Variants in NHSL1 observed in about 807,000 individuals in gnomAD.
NHSL1 encodes NHS like 1.
NHSL1 carries 48 observed loss-of-function variants against 95.0 expected under a neutral mutation model. The ratio of observed to expected loss-of-function variants is 0.51; its 90% CI spans 0.40 to 0.64. The LOEUF (loss-of-function observed/expected upper bound fraction) is 0.64, where lower values mean the gene tolerates loss of function less well. Among genes scored for constraint, NHSL1 ranks in the 30% least tolerant of loss-of-function variants. The pLI is 0.00. For synonymous variants in NHSL1, 783 were observed against 833.9 expected, an observed-to-expected ratio of 0.94 and a Z score of 1.05; for missense variants, 1,971 against 2,077.7, an observed-to-expected ratio of 0.95 and a Z score of 1.00.
At chr6:138,650,018 T>C (rs1785068453) in intron 1 of NHSL1, among the ~76,000 whole-genome samples, 1 of 152,104 alleles carries the variant, frequency 6.6e-6, no homozygotes, top group African/African-American at 2.4e-5. Context: ...GTCTGGCAGG[T>C]GACCCAATCC....
intron 1 of NHSL1, among the ~76,000 whole-genome samples, chr6:138,579,573 C>T (rs371031522): frequency 1.3e-5 from 2 of 152,214 alleles, no homozygotes; most frequent in South Asian, 2.1e-4. Flanking sequence ...TCACTGCTTC[C>T]ATCCACGAGA....
intron 1 of NHSL1, among the ~76,000 whole-genome samples, chr6:138,499,016 A>G (rs1054187793): frequency 6.6e-6 from 1 of 152,206 alleles, no homozygotes; most frequent in African/African-American, 2.4e-5. Flanking sequence ...CTAGAGTTAC[A>G]AAAGTCTGAG....
At chr6:138,441,811 C>A (rs1189079051) in intron 5 of NHSL1, among the ~76,000 whole-genome samples, 172 bp downstream of exon 5, 1 of 152,228 alleles carries the variant, frequency 6.6e-6, no homozygotes, top group Admixed American at 6.5e-5. Flanking sequence ...CTCTCTCTCT[C>A]CATGGGATGT....
chr6:138,523,206 T>A (rs1319897519), intron 1 of NHSL1, among the ~76,000 whole-genome samples: 2 of 152,258 alleles, frequency 1.3e-5, no homozygotes, highest in East Asian at 3.9e-4. Flanking sequence ...ATTTTCTGTA[T>A]TTATGAGAAA....
chr6:138,430,475 G>T lies in NHSL1; in HGVS notation c.3870C>A (p.Ala1290=). 6.4e-7 allele frequency: 1 copy of T among 1,550,750 alleles called. No individual in the cohort carries two copies. Among genetic ancestry groups the T allele is most frequent in the Non-Finnish European group, 8.7e-7 (1 of 1,146,386 alleles). The change falls in exon 6 of 8, where the codon GCC becomes GCA. Residue 1290 remains alanine, a synonymous_variant. Coordinates refer to ENST00000343505, the MANE Select transcript of NHSL1 (RefSeq NM_001144060.2). This position sits in a 1 kb window ranked among gnomAD's most constrained non-coding sequence, Gnocchi z 4.7. ...VPMVQPDVSP[A]PKQEEPAENS... ...TCTCGGCTGGCTCCTCCTGCTTGGG[G>T]GCTGGTGAGACATCAGGCTGAACCA...
chr6:138,494,008 G>A lies in NHSL1; in HGVS notation c.211+2211C>T, dbSNP rs949204647. The stretch of plus-strand genomic sequence containing the variant: ...CTGGATAGTCCAATAGCAAAGCTAT[G>A]AGATACAAGATACTGGAAGATACAT... On this transcript the variant is annotated intron_variant, in intron 2 of 7. Transcript: ENST00000343505. Among the ~76,000 whole-genome samples, 9 of 152,304 alleles carry A rather than the reference G, an allele frequency of 5.9e-5. No homozygotes were observed. In the East Asian group the frequency reaches 1.7e-3, roughly 29 times the overall value.
chr6:138,688,331 C>T (rs1188157901), intron 1 of NHSL1, among the ~76,000 whole-genome samples: 2 of 148,582 alleles, frequency 1.3e-5, no homozygotes, highest in Non-Finnish European at 2.9e-5. Flanking sequence ...AGAAAGAAAA[C>T]CCAATCACAC....
intron 1 of NHSL1, among the ~76,000 whole-genome samples, chr6:138,587,918 C>A (rs912505178): frequency 1.3e-4 from 20 of 152,210 alleles, no homozygotes; most frequent in African/African-American, 2.7e-4. Context: ...AGTTACAGAA[C>A]CTTGGGGCCC....
At chr6:138,479,695 A>G (rs1779299826) in intron 2 of NHSL1, among the ~76,000 whole-genome samples, 1 of 152,234 alleles carries the variant, frequency 6.6e-6, no homozygotes, top group Non-Finnish European at 1.5e-5. Context: ...AACCACAAAT[A>G]AGAGAGGACT....
intron 1 of NHSL1, among the ~76,000 whole-genome samples, chr6:138,587,855 C>T (rs1784161233): frequency 6.6e-6 from 1 of 152,238 alleles, no homozygotes; most frequent in African/African-American, 2.4e-5. Flanking sequence ...GACACTGCCT[C>T]CCACGGTCAC....
exon 1 of NHSL1, chr6:138,571,896 A>G (rs1783854005): frequency 6.4e-7 from 1 of 1,551,366 alleles, no homozygotes. Context: ...GAACCTGAAG[A>G]GCCTTCCTTT....
At chr6:138,573,292 G>A (rs148653433), upstream of NHSL1, among the ~76,000 whole-genome samples, 416 of 152,272 alleles carry the variant, frequency 2.7e-3, no homozygotes, top group Non-Finnish European at 1.9e-3. Flanking sequence ...TCCTAGGGGT[G>A]TTAAAAGTCC....
At chr6:138,582,995 G>A (rs1311886452) in intron 1 of NHSL1, among the ~76,000 whole-genome samples, 1 of 152,238 alleles carries the variant, frequency 6.6e-6, no homozygotes, top group Non-Finnish European at 1.5e-5. Flanking sequence ...GTCATCTGCA[G>A]GGCAGTGAAT....
intron 1 of NHSL1, among the ~76,000 whole-genome samples, chr6:138,624,984 T>C (rs542257189): frequency 6.6e-6 from 1 of 152,264 alleles, no homozygotes; most frequent in East Asian, 1.9e-4. Context: ...ATACAAAATA[T>C]AGTGTGTGTG....
chr6:138,456,534 A>G (rs1777623451), intron 3 of NHSL1, among the ~76,000 whole-genome samples: 1 of 152,212 alleles, frequency 6.6e-6, no homozygotes, highest in South Asian at 2.1e-4. Flanking sequence ...AAAAATCTAG[A>G]TCTAATACAT....
intron 2 of NHSL1, among the ~76,000 whole-genome samples, chr6:138,490,613 C>T (rs1780014132): frequency 6.6e-6 from 1 of 152,060 alleles, no homozygotes; most frequent in African/African-American, 2.4e-5. Flanking sequence ...GAAATCTAGT[C>T]CATAATTTTA....
At chr6:138,510,974 A>T (rs1158488405) in intron 1 of NHSL1, among the ~76,000 whole-genome samples, 1 of 152,218 alleles carries the variant, frequency 6.6e-6, no homozygotes, top group African/African-American at 2.4e-5. Flanking sequence ...GGGCAATACA[A>T]TTGGGCACAG....
intron 2 of NHSL1, among the ~76,000 whole-genome samples, chr6:138,477,660 A>C (rs574048034): frequency 6.6e-6 from 1 of 152,332 alleles, no homozygotes; most frequent in Non-Finnish European, 1.5e-5. Context: ...TTAAAAATTT[A>C]AATTATAAAA....
At chr6:138,624,291 C>T (rs1784706581) in intron 1 of NHSL1, among the ~76,000 whole-genome samples, 1 of 152,134 alleles carries the variant, frequency 6.6e-6, no homozygotes, top group South Asian at 2.1e-4. Context: ...CTCCGCATTT[C>T]TAACAAGCGT....
Sources: gnomAD v4.1 joint callset for allele counts (sites outside exome capture counted in the v4.1 genomes callset) on GRCh38, gnomAD v4.1.1 for gene constraint, Gnocchi (gnomAD v3.1) non-coding constraint, MANE v1.5 for transcripts, NCBI Gene and HGNC (gene_info 2026-07-23, HGNC 2026-07-21) for gene names.